Variants in TLL2 observed in about 807,000 individuals in gnomAD.
TLL2 encodes tolloid like 2.
In TLL2, 106 loss-of-function variants were observed where a neutral mutation model predicts 123.0. The ratio of observed to expected loss-of-function variants is 0.86; its 90% CI spans 0.74 to 1.01. The LOEUF is 1.01. Among genes scored for constraint, TLL2 ranks in the 50% least tolerant of loss-of-function variants. The probability of loss-of-function intolerance (pLI) is 0.00; values close to 1 mark genes in which losing one functional copy is unlikely to be tolerated. For missense variants in TLL2, 1,332 were observed against 1,336.7 expected, an observed-to-expected ratio of 1.00 and a Z score of 0.06; for synonymous variants, 494 against 516.8, an observed-to-expected ratio of 0.96 and a Z score of 0.60.
At chr10:96,424,943 A>G (rs1466654955) in intron 5 of TLL2, among the ~76,000 whole-genome samples, 1 of 150,138 alleles carries the variant, frequency 6.7e-6, no homozygotes, top group African/African-American at 2.4e-5. Context: ...TTTTTTCTTT[A>G]ATACTTACAT....
In TLL2 at chr10:96,373,705, G is replaced by A. The variant is rs61740993; in HGVS notation, c.2553C>T (p.Cys851=). 30,235 of 1,614,232 alleles carry A rather than the reference G, an allele frequency of 0.019. 349 individuals are homozygous for A. Among genetic ancestry groups the A allele is most frequent in the Non-Finnish European group, 0.022 (25,581 of 1,180,028 alleles). ...DSLAPILGRF[C]GSKKPDPTVA... ...CCGTGGGGTCTGGTTTCTTGCTGCC[G>A]CAGAAACGGCCCAGAATGGGGGCCA... is the stretch of plus-strand genomic sequence containing the variant. Residue 851 remains cysteine (C), a synonymous_variant, in exon 19 of 21, where the codon TGC becomes TGT. Coordinates refer to ENST00000357947, the MANE Select transcript of TLL2 (RefSeq NM_012465.4).
At chr10:96,393,711 A>G (rs1846311028) in intron 13 of TLL2, among the ~76,000 whole-genome samples, 1 of 145,342 alleles carries the variant, frequency 6.9e-6, no homozygotes, top group African/African-American at 2.5e-5. Flanking sequence ...TACAAGTGCT[A>G]TGGCCTGGCT....
rs571565701 is a variant in TLL2 at position 96,365,505 on chromosome 10, C to G, written c.*2583G>C. The G allele has an allele frequency of 6.6e-6, 1 of 152,368 alleles. No homozygotes were observed. Among genetic ancestry groups the G allele is most frequent in the South Asian group, 2.1e-4 (1 of 4,832 alleles). 9.4% of individuals were successfully genotyped at this position (152,368 alleles called of 1,614,324 possible). A position where few individuals can be genotyped will look rare whatever the true frequency, so the allele number is the denominator to read the frequency against. On this transcript the variant is annotated 3_prime_UTR_variant, in exon 21 of 21. Transcript: ENST00000357947. ...CCTAAGACAATTCTCTGAACTAAAA[C>G]TATTCTTGCAACTCACTGTCATCCC...
intron 2 of TLL2, among the ~76,000 whole-genome samples, chr10:96,475,441 T>G (rs766895987): frequency 2.4e-4 from 37 of 152,216 alleles, no homozygotes; most frequent in Non-Finnish European, 4.9e-4. Context: ...GCTGGCAATA[T>G]GATGGGCAGG....
intron 8 of TLL2, 29 bp downstream of exon 8, chr10:96,413,163 T>C (rs1334364062): frequency 1.2e-6 from 2 of 1,611,972 alleles, no homozygotes; most frequent in African/African-American, 1.3e-5. Flanking sequence ...GCTAGGGAGG[T>C]GCTGGCAGTC....
At chr10:96,368,288 T>C in intron 20 of TLL2, 66 bp from the exon 21 acceptor site, 2 of 1,577,722 alleles carry the variant, frequency 1.3e-6, no homozygotes, top group Non-Finnish European at 1.7e-6. Context: ...ATGAGGAGGA[T>C]GGGACAGGAT....
chr10:96,435,290 C>T (rs1316527154), intron 3 of TLL2, among the ~76,000 whole-genome samples: 2 of 152,112 alleles, frequency 1.3e-5, no homozygotes, highest in African/African-American at 4.8e-5. Flanking sequence ...CTCGGCCTCC[C>T]AAAGTGCTGG....
intron 3 of TLL2, among the ~76,000 whole-genome samples, chr10:96,442,040 T>C (rs1024436000): frequency 2.0e-5 from 3 of 152,188 alleles, no homozygotes; most frequent in Admixed American, 2.0e-4. Context: ...CACAGCTTCA[T>C]TCATGGAGCA....
chr10:96,399,511 C>G (rs929684707), intron 10 of TLL2, among the ~76,000 whole-genome samples: 5 of 152,072 alleles, frequency 3.3e-5, no homozygotes, highest in African/African-American at 1.2e-4. Context: ...CCACCTGTAG[C>G]CTTTTGGAAT....
rs150988432 is a variant in TLL2, at chr10:96,410,517, C to T, written c.1049-43G>A. Reference sequence around the variant, plus strand: ...CAACTGTGATGTGGCATATGCACCTCTCCCCGCCCAAGCAGCTCCCGCACG... The same window carrying T: ...CAACTGTGATGTGGCATATGCACCTTTCCCCGCCCAAGCAGCTCCCGCACG... On this transcript the variant is annotated intron_variant, in intron 8 of 20. Transcript: ENST00000357947. 178 of 1,526,056 alleles carry T rather than the reference C, an allele frequency of 1.2e-4. 1 individual carries two copies. The African/African-American group carries it at 2.3e-3, about 20-fold the overall frequency. The allele number at this position is 1,526,056 out of a possible 1,614,324, so 94.5% of individuals were successfully genotyped here.
At chr10:96,439,987 G>A (rs2134084524) in intron 3 of TLL2, among the ~76,000 whole-genome samples, 1 of 152,226 alleles carries the variant, frequency 6.6e-6, no homozygotes, top group Non-Finnish European at 1.5e-5. Context: ...GGCAACAGCA[G>A]GCCCATCTTC....
chr10:96,419,596 A>G (rs918849674), intron 7 of TLL2, among the ~76,000 whole-genome samples: 13 of 152,198 alleles, frequency 8.5e-5, no homozygotes, highest in African/African-American at 2.7e-4. Context: ...TGCCAGCTTT[A>G]ACACAACTCC....
intron 1 of TLL2, among the ~76,000 whole-genome samples, chr10:96,505,175 GC>G (rs1392258347): frequency 6.6e-6 from 1 of 152,206 alleles, no homozygotes; most frequent in African/African-American, 2.4e-5. Flanking sequence ...GGGGAAGCAG[GC>G]ACATCCTACA....
chr10:96,498,120 T>G (rs1040850620), intron 1 of TLL2, among the ~76,000 whole-genome samples: 1 of 152,206 alleles, frequency 6.6e-6, no homozygotes, highest in Non-Finnish European at 1.5e-5. Context: ...ATAGCTTCAC[T>G]GTGAAATGAT....
At chr10:96,410,952 C>A (rs1320475073) in intron 8 of TLL2, among the ~76,000 whole-genome samples, 2 of 152,012 alleles carry the variant, frequency 1.3e-5, no homozygotes, top group African/African-American at 4.8e-5. Flanking sequence ...CATGAAAATG[C>A]AAGTAGAGGC....
chr10:96,400,922 A>G (rs1257940841), intron 10 of TLL2, among the ~76,000 whole-genome samples: 1 of 152,194 alleles, frequency 6.6e-6, no homozygotes, highest in East Asian at 1.9e-4. Context: ...CCAATTTGAT[A>G]TCTTTAACCA....
At chr10:96,503,019 T>A (rs973498330) in intron 1 of TLL2, among the ~76,000 whole-genome samples, 4 of 152,156 alleles carry the variant, frequency 2.6e-5, no homozygotes, top group African/African-American at 9.7e-5. Flanking sequence ...CCTGTTGCTA[T>A]GTTTGCATCC....
Position 96,373,772 on chromosome 10 carries a change from C to T in TLL2, c.2486G>A (p.Cys829Tyr). 1.2e-6 allele frequency: 2 copies of T among 1,614,206 alleles called. No individual in the cohort carries two copies. Among genetic ancestry groups the T allele is most frequent in the Non-Finnish European group, 1.7e-6 (2 of 1,180,050 alleles). The change falls in exon 19 of 21, where the codon TGT (cysteine) becomes TAT (tyrosine). Residue 829 changes from cysteine (C) to tyrosine (Y), a missense_variant. Coordinates refer to ENST00000357947, the MANE Select transcript of TLL2 (RefSeq NM_012465.4). The stretch of plus-strand genomic sequence containing the variant: ...ATACATTTCCAGGTGGTCATAGGCA[C>T]ATTCCTGGTGCTGCTCGATCTCAAA... ...NEFEIEQHQE[C>Y]AYDHLEMYDG...
chr10:96,405,364 G>A lies in TLL2; in HGVS notation c.1165-30C>T, dbSNP rs1003114475. 8 of 1,608,066 alleles carry A rather than the reference G, an allele frequency of 5.0e-6. No individual in the cohort carries two copies. In the African/African-American group the frequency reaches 8.0e-5, roughly 16 times the overall value. ...AAAGAATTACCATAAAGTGAGTTTT[G>A]GCAGCAAAGCCTGAGGAGTTTGGGA... On this transcript the variant is annotated intron_variant, in intron 9 of 20. Coordinates refer to ENST00000357947, the MANE Select transcript of TLL2 (RefSeq NM_012465.4).
Sources: allele counts gnomAD v4.1 joint callset (sites outside exome capture counted in the v4.1 genomes callset), GRCh38; gene constraint gnomAD v4.1.1; transcripts MANE v1.5; gene names NCBI Gene and HGNC (gene_info 2026-07-23, HGNC 2026-07-21).